Variants in DENND4A observed in about 807,000 individuals in gnomAD.
DENND4A encodes the protein C-myc promoter-binding protein.
A neutral mutation model predicts 199.3 loss-of-function variants in DENND4A; 70 were observed. The observed-to-expected ratio is 0.35, with a 90% CI of 0.29 to 0.43. The LOEUF (loss-of-function observed/expected upper bound fraction) is 0.43, where lower values mean the gene tolerates loss of function less well. Ranked by LOEUF, DENND4A falls within the 20% of genes least tolerant of loss-of-function variation. DENND4A has a pLI of 1.00. For synonymous variants in DENND4A, 686 were observed against 766.9 expected (o/e 0.89, Z 1.74); for missense variants, 1,723 against 2,255.8 (o/e 0.76, Z 4.78).
At chr15:65,767,475 T>C (rs779314850) in intron 1 of DENND4A, 3 of 152,164 alleles carry the variant, frequency 2.0e-5, no homozygotes, top group Non-Finnish European at 2.9e-5. Flanking sequence ...CAAAGACTCA[T>C]TCTGTCACCC....
intron 23 of DENND4A, among the ~76,000 whole-genome samples, chr15:65,678,876 A>T (rs950194200): frequency 6.6e-6 from 1 of 151,890 alleles, no homozygotes; most frequent in African/African-American, 2.4e-5. Flanking sequence ...TTTTTAGTAG[A>T]GACAGGGTTT....
At chr15:65,685,320 G>A (rs1033036894) in intron 23 of DENND4A, among the ~76,000 whole-genome samples, 4 of 152,126 alleles carry the variant, frequency 2.6e-5, no homozygotes, top group African/African-American at 9.7e-5. Context: ...TAGACACGGG[G>A]TTTCACTGTG....
intron 2 of DENND4A, among the ~76,000 whole-genome samples, chr15:65,756,908 G>A (rs1232719852): frequency 1.3e-5 from 2 of 151,994 alleles, no homozygotes; most frequent in Admixed American, 6.6e-5. Flanking sequence ...GTGGTGGCAG[G>A]TGCCTGTAAT....
In DENND4A at chr15:65,723,790, C is replaced by T. The variant is rs1596529368; in HGVS notation, c.1488-842G>A. Among the ~76,000 whole-genome samples, 5 of 152,212 alleles carry T rather than the reference C, an allele frequency of 3.3e-5. No homozygotes were observed. In the East Asian group the frequency reaches 9.6e-4, roughly 29 times the overall value. ...AATAAACGTTATGTGAACGTGGGCT[C>T]TCTCTCTCAAAATAACTTATTGTAC... On this transcript the variant is annotated intron_variant, in intron 11 of 32. Coordinates refer to ENST00000443035, the MANE Select transcript of DENND4A (RefSeq NM_001320835.1).
Position 65,756,363 on chromosome 15 carries a change from G to T in DENND4A, c.88C>A (p.His30Asn). Residue 30 changes from histidine to asparagine, a missense_variant, in exon 3 of 33, where the codon CAC (histidine) becomes AAC (asparagine). Physicochemically the swap from His to Asn is moderately conservative, Grantham distance 68. This residue lies in a region of DENND4A where 725 missense variants were observed against 952.9 expected (regional missense o/e 0.76). Coordinates refer to ENST00000443035, the MANE Select transcript of DENND4A (RefSeq NM_001320835.1). ...DVSKPLEEEI[H>N]FNDACHKVAK... is the part of the protein sequence containing the mutation. ...ACTTTATGACAAGCATCATTGAAGT[G>T]AATTTCTTCTTCTAGAGGCTTTGAA... is the stretch of plus-strand genomic sequence containing the variant. 1 of 1,613,944 alleles carries T rather than the reference G, an allele frequency of 6.2e-7. No homozygotes were observed. The highest frequency in any genetic ancestry group is 8.5e-7 in the Non-Finnish European group (1 of 1,179,854).
At chr15:65,691,796 A>G (rs1020634167) in intron 22 of DENND4A, among the ~76,000 whole-genome samples, 1 of 152,102 alleles carries the variant, frequency 6.6e-6, no homozygotes, top group African/African-American at 2.4e-5. Context: ...GATTTGTCCA[A>G]TTATAAAGGG....
intron 9 of DENND4A, among the ~76,000 whole-genome samples, chr15:65,731,214 G>C (rs2075947552): frequency 1.3e-5 from 2 of 151,602 alleles, no homozygotes; most frequent in South Asian, 4.1e-4. Flanking sequence ...GAACTTCTAA[G>C]GTAAGAAAAT....
At chr15:65,704,625 C>A (rs892479018) in intron 15 of DENND4A, among the ~76,000 whole-genome samples, 3 of 152,192 alleles carry the variant, frequency 2.0e-5, no homozygotes. Flanking sequence ...GAGTCTCGTT[C>A]TGTCACGCAG....
chr15:65,696,212 T>C (rs957992038), intron 22 of DENND4A, 154 bp downstream of exon 22: 5 of 868,612 alleles, frequency 5.8e-6, no homozygotes, highest in Middle Eastern at 2.6e-4. Context: ...TTATAAAATA[T>C]AGAACTCAAG....
chr15:65,702,772 T>TA lies in DENND4A; in HGVS notation c.2223+100dup. The stretch of plus-strand genomic sequence containing the variant: ...TGCTTTGGTGAACATAATAATCTAG[T>TA]AATAGTTATATATGAAGTGATAAAG... On this transcript the variant is annotated intron_variant, in intron 16 of 32. Coordinates refer to ENST00000443035, the MANE Select transcript of DENND4A (RefSeq NM_001320835.1). The TA allele has an allele frequency of 3.5e-6, 4 of 1,157,174 alleles. No individual in the cohort carries two copies. In the East Asian group the frequency reaches 7.0e-5, roughly 20 times the overall value. The allele number at this position is 1,157,174 out of a possible 1,614,324, so 71.7% of individuals were successfully genotyped here.
chr15:65,713,258 C>T (rs1486756470), intron 14 of DENND4A, among the ~76,000 whole-genome samples: 1 of 152,140 alleles, frequency 6.6e-6, no homozygotes, highest in Non-Finnish European at 1.5e-5. Flanking sequence ...ATTTTCTTAA[C>T]CTTAATACTT....
At position 65,732,827 on chromosome 15, in the gene DENND4A, C is replaced by G; in HGVS notation, c.1041-9G>C. The G allele has an allele frequency of 6.5e-7, 1 of 1,547,468 alleles. No individual in the cohort carries two copies. The highest frequency in any genetic ancestry group is 8.9e-7 in the Non-Finnish European group (1 of 1,123,064). On this transcript the variant is annotated splice_polypyrimidine_tract_variant and intron_variant, in intron 7 of 32. Coordinates refer to ENST00000443035, the MANE Select transcript of DENND4A (RefSeq NM_001320835.1). ...TAAAATGAGAAATATGCCTTGAAAA[C>G]AAACAAAAGTGTAAGTGATTCCAAA...
At chr15:65,682,979 C>A (rs1315135686) in intron 23 of DENND4A, among the ~76,000 whole-genome samples, 1 of 152,058 alleles carries the variant, frequency 6.6e-6, no homozygotes, top group Non-Finnish European at 1.5e-5. Flanking sequence ...ATAATAACAT[C>A]AAGGATCATG....
chr15:65,700,063 A>AG (rs1280900848), intron 20 of DENND4A, among the ~76,000 whole-genome samples: 3 of 152,100 alleles, frequency 2.0e-5, no homozygotes, highest in Non-Finnish European at 4.4e-5. Flanking sequence ...AAAACATTAC[A>AG]GTACAGAGAG....
intron 23 of DENND4A, among the ~76,000 whole-genome samples, chr15:65,687,056 T>C (rs1000889866): frequency 2.6e-5 from 4 of 152,168 alleles, no homozygotes; most frequent in African/African-American, 4.8e-5. Flanking sequence ...ATTATTCATA[T>C]GGTTAGATCT....
Position 65,700,946 on chromosome 15 carries a change from A to G in DENND4A, c.2701+105T>C. The G allele has an allele frequency of 1.1e-5, 15 of 1,316,898 alleles. No individual in the cohort carries two copies. In the South Asian group the frequency reaches 2.0e-4, roughly 18 times the overall value. The allele number at this position is 1,316,898 out of a possible 1,614,324, so 81.6% of individuals were successfully genotyped here. ...AATATAATTTGCTTAATAAAACTAAAAACTAAAACATTCAATATTTTAAAA... is the reference window on the plus strand; with the variant it reads ...AATATAATTTGCTTAATAAAACTAAGAACTAAAACATTCAATATTTTAAAA... On this transcript the variant is annotated intron_variant, in intron 19 of 32. Transcript: ENST00000443035.
intron 12 of DENND4A, among the ~76,000 whole-genome samples, chr15:65,718,391 T>A (rs1399217860): frequency 6.6e-6 from 1 of 152,066 alleles, no homozygotes; most frequent in East Asian, 1.9e-4. Context: ...TAACTATATA[T>A]AAGTTAATAA....
intron 2 of DENND4A, among the ~76,000 whole-genome samples, chr15:65,758,043 G>A (rs2076756470): frequency 6.6e-6 from 1 of 152,082 alleles, no homozygotes; most frequent in Non-Finnish European, 1.5e-5. Context: ...AACAGTTCTT[G>A]AGGGTACAGC....
chr15:65,788,593 A>AGGTGCAGTAATCACAGCACTTT (rs1326433698), intron 1 of DENND4A, among the ~76,000 whole-genome samples: 3 of 151,848 alleles, frequency 2.0e-5, no homozygotes, highest in Non-Finnish European at 4.4e-5. Flanking sequence ...ATAACCGGCC[A>AGGTGCAGTAATCACAGCACTTT]GGTGCAGTAA....
Sources: gnomAD v4.1 joint callset for allele counts (sites outside exome capture counted in the v4.1 genomes callset) on GRCh38, gnomAD v4.1.1 for gene constraint, gnomAD v4.1.1 regional missense constraint, MANE v1.5 for transcripts, NCBI Gene and HGNC (gene_info 2026-07-23, HGNC 2026-07-21) for gene names.